The following TACC2 variants were observed in gnomAD, a reference collection of about 807,000 sequenced individuals.
The protein encoded by TACC2 is transforming acidic coiled-coil-containing protein 2.
In TACC2, 137 loss-of-function variants were observed where a neutral mutation model predicts 227.3. The ratio of observed to expected loss-of-function variants is 0.60; its 90% CI spans 0.52 to 0.69. The LOEUF (loss-of-function observed/expected upper bound fraction) is 0.69. Ranked by LOEUF, TACC2 falls within the 30% of genes least tolerant of loss-of-function variation. The pLI, the probability that TACC2 is intolerant of heterozygous loss-of-function variation, is 0.00. For synonymous variants in TACC2, 1,523 were observed against 1,487.5 expected, an observed-to-expected ratio of 1.02 and a Z score of -0.55; for missense variants, 3,470 against 3,694.4, an observed-to-expected ratio of 0.94 and a Z score of 1.57.
At chr10:122,031,762 T>C (rs1313565286) in intron 2 of TACC2, among the ~76,000 whole-genome samples, 1 of 151,394 alleles carries the variant, frequency 6.6e-6, no homozygotes, top group African/African-American at 2.4e-5. Flanking sequence ...TGGAGTGCAG[T>C]GGCACAATCT....
At position 122,005,089 on chromosome 10, in the gene TACC2, A is replaced by T. The variant is rs1000483368; in HGVS notation, c.-46+15601A>T. Among the ~76,000 whole-genome samples the T allele has an allele frequency of 7.4e-5, 11 of 148,572 alleles. No homozygotes were observed. The East Asian group carries it at 7.9e-4, about 11-fold the overall frequency. On this transcript the variant is annotated intron_variant, in intron 1 of 22. Coordinates refer to ENST00000369005, the MANE Select transcript of TACC2 (RefSeq NM_206862.4). Reference sequence around the variant, plus strand: ...TCAGTAAGTTACTGTATTTTATTTTATTTTTTTTTTGAGACAGAGTCTCAC... The same window carrying T: ...TCAGTAAGTTACTGTATTTTATTTTTTTTTTTTTTTGAGACAGAGTCTCAC...
intron 5 of TACC2, among the ~76,000 whole-genome samples, chr10:122,095,112 G>A (rs1198858877): frequency 6.6e-6 from 1 of 152,206 alleles, no homozygotes; most frequent in East Asian, 1.9e-4. Flanking sequence ...ACAGACCTGG[G>A]TTTTGGCCCC....
intron 5 of TACC2, among the ~76,000 whole-genome samples, chr10:122,096,514 T>C (rs568871294): frequency 6.6e-6 from 1 of 152,154 alleles, no homozygotes; most frequent in East Asian, 1.9e-4. Flanking sequence ...CTGACCAACA[T>C]GGTAAAACCC....
chr10:122,030,821 G>A (rs1337389757), intron 2 of TACC2, among the ~76,000 whole-genome samples: 1 of 152,090 alleles, frequency 6.6e-6, no homozygotes, highest in African/African-American at 2.4e-5. Context: ...GTGTCTGGCT[G>A]TGGGACTCAG....
chr10:122,210,669 A>G lies in TACC2; in HGVS notation c.6244A>G (p.Thr2082Ala), dbSNP rs779876538. The change falls in exon 9 of 23, where the codon ACA becomes GCA. Residue 2082 changes from threonine to alanine, a missense_variant. Around this residue, in one of 10 missense-constraint regions of TACC2, gnomAD observed 593 missense variants for 636.6 expected, o/e 0.93. Coordinates refer to ENST00000369005, the MANE Select transcript of TACC2 (RefSeq NM_206862.4). The surrounding 1 kb of genome is among the most constrained non-coding windows in gnomAD (Gnocchi z 4.6). ...GGATTCCGTCCCCATCTCTAAGTCTACACTGTCCCGGTCGCTCAGCCTGCA... is the reference window on the plus strand; with the variant it reads ...GGATTCCGTCCCCATCTCTAAGTCTGCACTGTCCCGGTCGCTCAGCCTGCA... ...STDSVPISKS[T>A]LSRSLSLQAS... 5 of 1,613,934 alleles carry G rather than the reference A, an allele frequency of 3.1e-6. No homozygotes were observed. The highest frequency in any genetic ancestry group is 4.2e-6 in the Non-Finnish European group (5 of 1,180,016).
intron 5 of TACC2, among the ~76,000 whole-genome samples, chr10:122,105,637 T>TTTTGG (rs2082673502): frequency 6.6e-6 from 1 of 151,696 alleles, no homozygotes. Context: ...TTTTTTTTTT[T>TTTTGG]GAGATGGAGT....
At chr10:122,200,153 C>T (rs926271966) in intron 8 of TACC2, among the ~76,000 whole-genome samples, 4 of 152,250 alleles carry the variant, frequency 2.6e-5, no homozygotes, top group Non-Finnish European at 5.9e-5. Flanking sequence ...TTCATGGGCC[C>T]AGGACCAGGG....
chr10:122,001,993 C>A (rs1954420520), intron 1 of TACC2, among the ~76,000 whole-genome samples: 1 of 152,188 alleles, frequency 6.6e-6, no homozygotes, highest in African/African-American at 2.4e-5. Context: ...TCAGCCCAGG[C>A]TGCTATAACA....
intron 8 of TACC2, among the ~76,000 whole-genome samples, chr10:122,204,376 C>T (rs2095032404): frequency 6.6e-6 from 1 of 152,226 alleles, no homozygotes; most frequent in South Asian, 2.1e-4. Flanking sequence ...CAGTAACCGG[C>T]TGAGCCCTTG....
chr10:122,012,439 A>AAAAAAAAAAAAAG, intron 1 of TACC2, among the ~76,000 whole-genome samples: 1 of 148,926 alleles, frequency 6.7e-6, no homozygotes, highest in South Asian at 2.1e-4. Context: ...AAAAAAAAAA[A>AAAAAAAAAAAAAG]GATGGGGTTT....
chr10:122,218,455 A>G (rs2095456375), intron 11 of TACC2, among the ~76,000 whole-genome samples: 1 of 152,204 alleles, frequency 6.6e-6, no homozygotes, highest in Admixed American at 6.5e-5. Flanking sequence ...GCTCTTCCAC[A>G]GTCAGGCCCG....
intron 8 of TACC2, among the ~76,000 whole-genome samples, chr10:122,195,789 A>G (rs1020030155): frequency 1.1e-4 from 17 of 152,220 alleles, no homozygotes; most frequent in African/African-American, 4.1e-4. Context: ...TCCCAGTTAC[A>G]CCAGCACAGA....
At chr10:122,075,943 G>T (rs1418392891) in intron 3 of TACC2, among the ~76,000 whole-genome samples, 1 of 152,114 alleles carries the variant, frequency 6.6e-6, no homozygotes, top group Non-Finnish European at 1.5e-5. Context: ...GGGATTACAG[G>T]TGCCTGCCAC....
At chr10:122,027,428 T>TTG (rs1232393476) in intron 2 of TACC2, among the ~76,000 whole-genome samples, 1 of 152,192 alleles carries the variant, frequency 6.6e-6, no homozygotes, top group Non-Finnish European at 1.5e-5. Flanking sequence ...AGATTCATTT[T>TTG]TGTGTCTGTG....
At chr10:122,005,752 A>G (rs1272337328) in intron 1 of TACC2, among the ~76,000 whole-genome samples, 5 of 140,724 alleles carry the variant, frequency 3.6e-5, no homozygotes, top group Non-Finnish European at 6.1e-5. Flanking sequence ...GGAGTGCAAT[A>G]GCACGACCTT....
At chr10:122,012,147 C>G (rs1163686240) in intron 1 of TACC2, among the ~76,000 whole-genome samples, 1 of 151,940 alleles carries the variant, frequency 6.6e-6, no homozygotes, top group Non-Finnish European at 1.5e-5. Context: ...CCTGGCCGGA[C>G]ACGGTAGCTC....
In TACC2 at chr10:122,087,499, G is replaced by A. The variant is rs151181216; in HGVS notation, c.4999G>A (p.Gly1667Ser). Residue 1667 changes from glycine to serine, a missense_variant, in exon 4 of 23, where the codon GGC becomes AGC. Gly to Ser is a moderately conservative substitution (Grantham distance 56). Coordinates refer to ENST00000369005, the MANE Select transcript of TACC2 (RefSeq NM_206862.4). ...TGAAAGGAGACCCGGAGTCACTGCT[G>A]GCATCTTGGAAATGCGAAATGCCCT... ...GGERRPGVTA[G>S]ILEMRNALGN... 3 of 1,613,966 alleles carry A rather than the reference G, an allele frequency of 1.9e-6. No individual in the cohort carries two copies. Among genetic ancestry groups the A allele is most frequent in the Admixed American group, 1.7e-5 (1 of 60,032 alleles).
chr10:122,182,831 C>T (rs549626286), intron 7 of TACC2, among the ~76,000 whole-genome samples: 49 of 152,178 alleles, frequency 3.2e-4, no homozygotes, highest in Non-Finnish European at 6.3e-4. Flanking sequence ...GAGACTCAGG[C>T]GCAGGTAGAG....
At chr10:122,014,592 G>T (rs1487211215) in intron 1 of TACC2, among the ~76,000 whole-genome samples, 1 of 152,162 alleles carries the variant, frequency 6.6e-6, no homozygotes, top group East Asian at 1.9e-4. Flanking sequence ...TGGGGCATCA[G>T]CCTGGCCTAG....
Sources: gnomAD v4.1 joint callset for allele counts (sites outside exome capture counted in the v4.1 genomes callset) on GRCh38, gnomAD v4.1.1 for gene constraint, gnomAD v4.1.1 regional missense constraint, Gnocchi (gnomAD v3.1) non-coding constraint, MANE v1.5 for transcripts, NCBI Gene and HGNC (gene_info 2026-07-23, HGNC 2026-07-21) for gene names.